Variants in EWSR1 observed in about 807,000 individuals in gnomAD.
EWSR1 encodes the protein EWS RNA binding protein 1, also known as RNA-binding protein EWS.
In EWSR1, 14 loss-of-function variants were observed where a neutral mutation model predicts 92.1. The observed-to-expected ratio is 0.15, with a 90% CI of 0.10 to 0.24. The LOEUF (loss-of-function observed/expected upper bound fraction) is 0.24. Ranked by LOEUF, EWSR1 falls within the 10% of genes least tolerant of loss-of-function variation. The pLI is 1.00. For synonymous variants in EWSR1, 303 were observed against 292.9 expected, an observed-to-expected ratio of 1.03 and a Z score of -0.35; for missense variants, 637 against 870.9, an observed-to-expected ratio of 0.73 and a Z score of 3.38.
intron 3 of EWSR1, among the ~76,000 whole-genome samples, chr22:29,273,058 C>T (rs986299899): frequency 5.3e-5 from 8 of 152,344 alleles, no homozygotes; most frequent in African/African-American, 1.7e-4. Flanking sequence ...GCAGATCTTA[C>T]ATAACTGGTC....
chr22:29,271,095 G>A (rs1303283749), intron 1 of EWSR1, among the ~76,000 whole-genome samples: 1 of 152,208 alleles, frequency 6.6e-6, no homozygotes, highest in Non-Finnish European at 1.5e-5. Flanking sequence ...CCATGAAGTG[G>A]ATGCCATGAA....
chr22:29,295,920 C>G (rs549739485), intron 11 of EWSR1: 2 of 301,634 alleles, frequency 6.6e-6, no homozygotes, highest in African/African-American at 4.3e-5. Context: ...ACTACCCCTA[C>G]GAGGTGGCTG....
In EWSR1 at chr22:29,289,565, T is replaced by C. The variant is rs1163592329; in HGVS notation, c.974+779T>C. The C allele has an allele frequency of 2.6e-5, 6 of 232,396 alleles. No homozygotes were observed. In the East Asian group the frequency reaches 3.0e-4, roughly 12 times the overall value. 14.4% of individuals were successfully genotyped at this position (232,396 alleles called of 1,614,324 possible). ...ACTTTGATGAAGGTGAGCTATAATA[T>C]TGGTGGTTAACATAATCCAGAAGGC... On this transcript the variant is annotated intron_variant, in intron 8 of 16. Transcript: ENST00000397938.
intron 6 of EWSR1, among the ~76,000 whole-genome samples, chr22:29,285,700 A>G (rs1476176433): frequency 6.6e-6 from 1 of 151,190 alleles, no homozygotes; most frequent in Non-Finnish European, 1.5e-5. Context: ...TTGGAACTGA[A>G]TGCCTCACTT....
chr22:29,269,077 A>G (rs929444187), intron 1 of EWSR1: 1 of 152,192 alleles, frequency 6.6e-6, no homozygotes, highest in Non-Finnish European at 1.5e-5. Flanking sequence ...AAAACCAATT[A>G]AGTGGCTTCC....
At chr22:29,272,485 TATC>T in intron 3 of EWSR1, 54 bp downstream of exon 3, 3 of 1,508,910 alleles carry the variant, frequency 2.0e-6, no homozygotes, top group Non-Finnish European at 2.8e-6. Flanking sequence ...ATCAGTATAT[TATC>T]CAGTTATCTT....
intron 6 of EWSR1, among the ~76,000 whole-genome samples, chr22:29,283,212 A>G (rs909637722): frequency 2.0e-5 from 3 of 152,244 alleles, no homozygotes; most frequent in South Asian, 2.1e-4. Context: ...ATCTTCCCCA[A>G]TGCAGTTAGG....
At chr22:29,288,260 G>C (rs1207735956) in intron 7 of EWSR1, among the ~76,000 whole-genome samples, 1 of 152,160 alleles carries the variant, frequency 6.6e-6, no homozygotes, top group Non-Finnish European at 1.5e-5. Context: ...AAGAAACCTG[G>C]CTCTGTTTTC....
intron 6 of EWSR1, among the ~76,000 whole-genome samples, chr22:29,285,184 C>T (rs888827988): frequency 5.3e-5 from 7 of 132,160 alleles, no homozygotes; most frequent in Non-Finnish European, 7.6e-5. Flanking sequence ...AGTGCAGTGG[C>T]GCTGTCTTGG....
chr22:29,276,497 T>C (rs2059134927), intron 4 of EWSR1: 1 of 222,674 alleles, frequency 4.5e-6, no homozygotes, highest in African/African-American at 2.2e-5. Flanking sequence ...ATGGTGATTG[T>C]ACAAAAGGAA....
chr22:29,274,620 C>G (rs533914105), intron 4 of EWSR1, among the ~76,000 whole-genome samples: 1 of 152,288 alleles, frequency 6.6e-6, no homozygotes, highest in African/African-American at 2.4e-5. Flanking sequence ...TTTAGAGGAG[C>G]AGACTGCCAC....
In EWSR1 at chr22:29,297,918, G is replaced by A. The variant is rs949593271; in HGVS notation, c.1386G>A (p.Glu462=). ...NSMRGGLPPR[E]GRGMPPPLRG... ...TGCGGGGTGGTCTGCCACCCCGTGA[G>A]GGCAGAGGCATGCCACCACCACTCC... Residue 462 remains glutamate (E), a synonymous_variant, in exon 13 of 17, where the codon GAG becomes GAA. Coordinates refer to ENST00000397938, the MANE Select transcript of EWSR1 (RefSeq NM_005243.4). 4 of 1,613,704 alleles carry A rather than the reference G, an allele frequency of 2.5e-6. No individual in the cohort carries two copies. Among genetic ancestry groups the A allele is most frequent in the African/African-American group, 1.3e-5 (1 of 74,894 alleles).
chr22:29,292,442 C>A, intron 10 of EWSR1, 46 bp from the exon 11 acceptor site: 2 of 1,308,232 alleles, frequency 1.5e-6, no homozygotes, highest in Non-Finnish European at 2.2e-6. Flanking sequence ...TAAGAAACCC[C>A]TATAGATACA....
At chr22:29,284,951 C>A (rs775169294) in intron 6 of EWSR1, among the ~76,000 whole-genome samples, 2 of 151,130 alleles carry the variant, frequency 1.3e-5, no homozygotes, top group Non-Finnish European at 2.9e-5. Context: ...TCCCAAGTAG[C>A]TGGCATTATA....
At chr22:29,272,686 T>C (rs2058774685) in intron 3 of EWSR1, among the ~76,000 whole-genome samples, 1 of 152,232 alleles carries the variant, frequency 6.6e-6, no homozygotes. Context: ...TGTTCCATGC[T>C]TGGTCCTTCT....
intron 9 of EWSR1, 99 bp from the exon 10 acceptor site, chr22:29,292,038 T>C: frequency 9.8e-7 from 1 of 1,021,008 alleles, no homozygotes; most frequent in Non-Finnish European, 1.6e-6. Context: ...TGAATCCCCA[T>C]CAAATGGTGG....
At chr22:29,291,745 G>A (rs1427066135) in intron 9 of EWSR1, 146 bp downstream of exon 9, 1 of 736,588 alleles carries the variant, frequency 1.4e-6, no homozygotes, top group African/African-American at 1.8e-5. Context: ...CATTGTCTTA[G>A]GGGTTAATAA....
intron 10 of EWSR1, 130 bp from the exon 11 acceptor site, chr22:29,292,358 G>A (rs1829787819): frequency 1.1e-6 from 1 of 915,138 alleles, no homozygotes; most frequent in African/African-American, 1.6e-5. Flanking sequence ...AAGTTTGATA[G>A]CATTCTTCTT....
Position 29,282,483 on chromosome 22 carries a change from C to T in EWSR1, c.507C>T (p.Asn169=). Residue 169 remains asparagine (N), a synonymous_variant, in exon 6 of 17, where the codon AAC becomes AAT. Coordinates refer to ENST00000397938, the MANE Select transcript of EWSR1 (RefSeq NM_005243.4). The part of the protein sequence containing the change: ...NQPSLGYGQS[N]YSYPQVPGSY... ...CCAGCCTAGGATATGGACAGAGTAA[C>T]TACAGTTATCCCCAGGTACCTGGGA... 6.4e-7 allele frequency: 1 copy of T among 1,573,924 alleles called. No homozygotes were observed. The highest frequency in any genetic ancestry group is 8.6e-7 in the Non-Finnish European group (1 of 1,165,104).
Sources: gnomAD v4.1 joint callset for allele counts (sites outside exome capture counted in the v4.1 genomes callset) on GRCh38, gnomAD v4.1.1 for gene constraint, MANE v1.5 for transcripts, NCBI Gene and HGNC (gene_info 2026-07-23, HGNC 2026-07-21) for gene names.